The following CCDC148 variants were observed in gnomAD, a reference collection of about 807,000 sequenced individuals.
The protein encoded by CCDC148 is coiled-coil domain-containing protein 148.
A neutral mutation model predicts 85.7 loss-of-function variants in CCDC148; 89 were observed. The ratio of observed to expected loss-of-function variants is 1.04; its 90% CI spans 0.87 to 1.24. The LOEUF is 1.24. CCDC148 is among the 50% of genes most tolerant of loss of function. CCDC148 has a pLI of 0.00. For synonymous variants in CCDC148, 230 were observed against 213.9 expected (o/e 1.08, Z -0.66); for missense variants, 692 against 671.7 (o/e 1.03, Z -0.33).
intron 1 of CCDC148, among the ~76,000 whole-genome samples, chr2:158,388,369 A>G (rs1174812866): frequency 6.6e-6 from 1 of 152,194 alleles, no homozygotes; most frequent in African/African-American, 2.4e-5. Flanking sequence ...CAGGGAGGAA[A>G]GGGTCACAGT....
intron 1 of CCDC148, among the ~76,000 whole-genome samples, chr2:158,435,954 C>A (rs1341560479): frequency 1.3e-5 from 2 of 152,176 alleles, no homozygotes; most frequent in Non-Finnish European, 1.5e-5. Flanking sequence ...GCACCCAATA[C>A]AGGAGCACCC....
At chr2:158,449,689 TCTGC>T (rs2105349347) in intron 1 of CCDC148, among the ~76,000 whole-genome samples, 1 of 152,340 alleles carries the variant, frequency 6.6e-6, no homozygotes, top group East Asian at 1.9e-4. Context: ...CCTGAGGTGA[TCTGC>T]CTGCCTTGGC....
chr2:158,219,823 C>T (rs911796249), intron 11 of CCDC148, among the ~76,000 whole-genome samples: 1 of 152,178 alleles, frequency 6.6e-6, no homozygotes, highest in African/African-American at 2.4e-5. Flanking sequence ...TGAATCCCAA[C>T]CGTGGAGAGG....
intron 2 of CCDC148, among the ~76,000 whole-genome samples, chr2:158,354,324 C>G (rs1409242381): frequency 6.6e-6 from 1 of 151,934 alleles, no homozygotes; most frequent in Non-Finnish European, 1.5e-5. Flanking sequence ...AATTGATAGA[C>G]CGCTAGCAAG....
chr2:158,351,403 C>T (rs917353002), intron 2 of CCDC148, among the ~76,000 whole-genome samples: 15 of 152,164 alleles, frequency 9.9e-5, no homozygotes, highest in East Asian at 5.8e-4. Context: ...CGAAGCAGGG[C>T]GAGGCACTGC....
At chr2:158,299,979 G>C (rs1691367151) in intron 9 of CCDC148, among the ~76,000 whole-genome samples, 1 of 152,190 alleles carries the variant, frequency 6.6e-6, no homozygotes, top group Admixed American at 6.5e-5. Context: ...AGACAACGAG[G>C]AGCACAAAAA....
At chr2:158,384,803 C>G (rs1348701081) in intron 1 of CCDC148, among the ~76,000 whole-genome samples, 1 of 152,110 alleles carries the variant, frequency 6.6e-6, no homozygotes, top group African/African-American at 2.4e-5. Context: ...GGCTTCTGTG[C>G]CCTATGTCTT....
At chr2:158,433,091 A>AATATATATATATATATATATATATAT (rs1553521584) in intron 1 of CCDC148, among the ~76,000 whole-genome samples, 5 of 51,324 alleles carry the variant, frequency 9.7e-5, no homozygotes, top group East Asian at 1.2e-3. Flanking sequence ...AAAAAAAAAA[A>AATATATATATATATATATATATATAT]ATATATATAT....
chr2:158,351,267 G>T (rs950456926), intron 2 of CCDC148, among the ~76,000 whole-genome samples: 3 of 152,228 alleles, frequency 2.0e-5, no homozygotes, highest in African/African-American at 7.2e-5. Flanking sequence ...CCGGTCTACA[G>T]CTCCCAGCGT....
At chr2:158,245,351 T>G (rs943289911) in intron 10 of CCDC148, among the ~76,000 whole-genome samples, 1 of 152,174 alleles carries the variant, frequency 6.6e-6, no homozygotes, top group South Asian at 2.1e-4. Context: ...TACAAGAAGC[T>G]AAGAATTCAC....
chr2:158,307,931 G>A (rs917298629), intron 9 of CCDC148, among the ~76,000 whole-genome samples: 1 of 152,158 alleles, frequency 6.6e-6, no homozygotes, highest in Admixed American at 6.5e-5. Flanking sequence ...AAACATTCTA[G>A]GTTTTGATCT....
At chr2:158,198,583 T>C (rs982218234) in intron 11 of CCDC148, among the ~76,000 whole-genome samples, 2 of 152,196 alleles carry the variant, frequency 1.3e-5, no homozygotes, top group African/African-American at 4.8e-5. Flanking sequence ...CATGCCTTTG[T>C]TTTCTTTCCT....
chr2:158,319,053 A>T (rs1574613767), intron 7 of CCDC148, among the ~76,000 whole-genome samples: 1 of 152,214 alleles, frequency 6.6e-6, no homozygotes, highest in Non-Finnish European at 1.5e-5. Flanking sequence ...GGCATAAGCC[A>T]CAGCACCTCA....
chr2:158,326,403 T>C (rs1692778229), intron 7 of CCDC148, among the ~76,000 whole-genome samples: 1 of 152,178 alleles, frequency 6.6e-6, no homozygotes, highest in African/African-American at 2.4e-5. Context: ...CTAACACTAC[T>C]GTGTATAATA....
At chr2:158,413,722 C>T (rs1356495239) in intron 1 of CCDC148, among the ~76,000 whole-genome samples, 1 of 151,886 alleles carries the variant, frequency 6.6e-6, no homozygotes, top group Non-Finnish European at 1.5e-5. Context: ...TTATTCAACT[C>T]AGTTGTGTAG....
chr2:158,177,948 T>C (rs1684678340), intron 12 of CCDC148: 1 of 152,142 alleles, frequency 6.6e-6, no homozygotes, highest in African/African-American at 2.4e-5. Context: ...GTTGTAGAAA[T>C]TGAAGTAATA....
At chr2:158,455,745 T>C (rs1447416016) in intron 1 of CCDC148, among the ~76,000 whole-genome samples, 2 of 152,210 alleles carry the variant, frequency 1.3e-5, no homozygotes, top group African/African-American at 4.8e-5. Flanking sequence ...GCCTAATATG[T>C]TCATGAAATC....
intron 1 of CCDC148, among the ~76,000 whole-genome samples, chr2:158,405,313 CA>C (rs1685951286): frequency 6.6e-6 from 1 of 152,082 alleles, no homozygotes. Context: ...AAAAGCCCTA[CA>C]GATTATCTTG....
Position 158,456,330 on chromosome 2 carries a change from T to A in CCDC148, c.25+85A>T. The A allele has an allele frequency of 2.9e-6, 4 of 1,391,370 alleles. No homozygotes were observed. In the Admixed American group the frequency reaches 5.6e-5, roughly 20 times the overall value. 86.2% of individuals were successfully genotyped at this position (1,391,370 alleles called of 1,614,324 possible). A position where few individuals can be genotyped will look rare whatever the true frequency, so the allele number is the denominator to read the frequency against. ...TCCACCCCAGGGAAGGGGGAGTGGCTGCAGAGAACAAACATAAGTAGGATT... is the reference window on the plus strand; with the variant it reads ...TCCACCCCAGGGAAGGGGGAGTGGCAGCAGAGAACAAACATAAGTAGGATT... On this transcript the variant is annotated intron_variant, in intron 1 of 13. Coordinates refer to ENST00000283233, the MANE Select transcript of CCDC148 (RefSeq NM_138803.4).
Sources: allele counts gnomAD v4.1 joint callset (sites outside exome capture counted in the v4.1 genomes callset), GRCh38; gene constraint gnomAD v4.1.1; transcripts MANE v1.5; gene names NCBI Gene and HGNC (gene_info 2026-07-23, HGNC 2026-07-21).